BCL2L13: variants seen among roughly 807,000 people sequenced by gnomAD.
BCL2L13 encodes the protein bcl-2-like protein 13.
BCL2L13 carries 13 observed loss-of-function variants against 25.8 expected under a neutral mutation model. The ratio of observed to expected loss-of-function variants is 0.50; its 90% CI spans 0.33 to 0.80. The LOEUF (loss-of-function observed/expected upper bound fraction) is 0.80, where lower values mean the gene tolerates loss of function less well. BCL2L13 is among the 30% of genes least tolerant of loss of function. The probability of loss-of-function intolerance (pLI) is 0.02; values close to 1 mark genes in which losing one functional copy is unlikely to be tolerated. For missense variants in BCL2L13, 504 were observed against 574.9 expected (o/e 0.88, Z 1.26); for synonymous variants, 244 against 230.3 (o/e 1.06, Z -0.54).
intron 6 of BCL2L13, among the ~76,000 whole-genome samples, chr22:17,723,273 G>A (rs2061199391): frequency 6.6e-6 from 1 of 152,110 alleles, no homozygotes; most frequent in South Asian, 2.1e-4. Flanking sequence ...ATCCTCAAAA[G>A]CTGGGAGGCC....
chr22:17,666,376 TTTAAG>T (rs1005907233), intron 2 of BCL2L13, among the ~76,000 whole-genome samples: 2 of 152,122 alleles, frequency 1.3e-5, no homozygotes, highest in African/African-American at 4.8e-5. Context: ...TCAGTTACTC[TTTAAG>T]TTATTTTAAA....
rs73378781 is a variant in BCL2L13, at chr22:17,716,337, G to T, written c.601-10340G>T. On this transcript the variant is annotated intron_variant, in intron 6 of 6. Transcript: ENST00000317582. ...GAAAGCACAGTTTTAAGGCAGAGAG[G>T]TCTTAATACCTTTCATCATATTTGC... Among the ~76,000 whole-genome samples, 758 of 152,264 alleles carry T rather than the reference G, an allele frequency of 5.0e-3. 6 individuals carry two copies. Among genetic ancestry groups the T allele is most frequent in the African/African-American group, 0.015 (615 of 41,554 alleles).
At chr22:17,684,777 G>C in intron 3 of BCL2L13, 1 of 351,350 alleles carries the variant, frequency 2.8e-6, no homozygotes, top group South Asian at 2.1e-5. Flanking sequence ...TCTTTGCCCA[G>C]GCTGGAGTGC....
At chr22:17,712,778 G>T (rs547930578) in intron 6 of BCL2L13, among the ~76,000 whole-genome samples, 1 of 152,330 alleles carries the variant, frequency 6.6e-6, no homozygotes, top group African/African-American at 2.4e-5. Flanking sequence ...AGTCTTTCAG[G>T]AAGATTACAG....
Position 17,653,266 on chromosome 22 carries a change from A to G in BCL2L13, c.-50-2396A>G, listed in dbSNP as rs914901057. Among the ~76,000 whole-genome samples, 3 of 152,274 alleles carry G rather than the reference A, an allele frequency of 2.0e-5. No homozygotes were observed. In the South Asian group the frequency reaches 6.2e-4, roughly 32 times the overall value. On this transcript the variant is annotated intron_variant, in intron 1 of 6. Transcript: ENST00000317582. ...CTTCCTATATTATCTGATTTAAGAA[A>G]TAGGAGTAATACCACTTACCTTACA...
At chr22:17,696,275 A>G in intron 5 of BCL2L13, 65 bp downstream of exon 5, 5 of 1,270,630 alleles carry the variant, frequency 3.9e-6, no homozygotes, top group African/African-American at 1.5e-5. Context: ...CGTAGGAGGA[A>G]TTGCTAGCAT....
At chr22:17,676,287 C>T (rs2059573565) in intron 2 of BCL2L13, among the ~76,000 whole-genome samples, 1 of 129,044 alleles carries the variant, frequency 7.7e-6, no homozygotes, top group Non-Finnish European at 1.6e-5. Flanking sequence ...CATGGCAGAA[C>T]CCTATCTCTA....
Position 17,702,264 on chromosome 22 carries a change from C to G in BCL2L13, c.478C>G (p.Leu160Val). Residue 160 changes from leucine to valine, a missense_variant, in exon 6 of 7, where the codon CTA (leucine) becomes GTA (valine). By Grantham distance (32) the Leu-to-Val change is conservative (BLOSUM62 1). Coordinates refer to ENST00000317582, the MANE Select transcript of BCL2L13 (RefSeq NM_015367.4). ...WNKILVPLVL[L>V]RQMLLELTRR... ...GAAGATTTTGGTGCCTCTGGTTTTGCTACGACAAATGCTTTTGGAATTGAC... is the reference window on the plus strand; with the variant it reads ...GAAGATTTTGGTGCCTCTGGTTTTGGTACGACAAATGCTTTTGGAATTGAC... The G allele has an allele frequency of 6.2e-7, 1 of 1,607,292 alleles. No individual in the cohort carries two copies. Among genetic ancestry groups the G allele is most frequent in the Non-Finnish European group, 8.5e-7 (1 of 1,177,374 alleles).
intron 1 of BCL2L13, among the ~76,000 whole-genome samples, chr22:17,650,398 G>T (rs367591624): frequency 5.3e-5 from 8 of 152,024 alleles, no homozygotes; most frequent in African/African-American, 1.9e-4. Flanking sequence ...GATTATACCA[G>T]TATTTTTGAA....
At chr22:17,670,079 A>T (rs540264034) in intron 2 of BCL2L13, among the ~76,000 whole-genome samples, 3 of 152,120 alleles carry the variant, frequency 2.0e-5, no homozygotes, top group Non-Finnish European at 1.5e-5. Context: ...TTGACCATAT[A>T]TGTATGGATT....
chr22:17,650,949 G>GATTAC (rs1310948731), intron 1 of BCL2L13, among the ~76,000 whole-genome samples: 2 of 148,512 alleles, frequency 1.3e-5, no homozygotes, highest in East Asian at 4.0e-4. Context: ...AAAGTGTTGG[G>GATTAC]ATTACAGGTG....
chr22:17,675,729 A>G (rs1207368145), intron 2 of BCL2L13, among the ~76,000 whole-genome samples: 1 of 152,232 alleles, frequency 6.6e-6, no homozygotes, highest in Non-Finnish European at 1.5e-5. Flanking sequence ...GTTGCAGAAC[A>G]TCTGGTATTC....
intron 6 of BCL2L13, among the ~76,000 whole-genome samples, chr22:17,717,793 GACA>G (rs2060990039): frequency 1.3e-5 from 2 of 151,908 alleles, no homozygotes; most frequent in South Asian, 2.1e-4. Context: ...TCTTATGAAA[GACA>G]ACGATTGAGG....
At chr22:17,673,888 C>T (rs899768186) in intron 2 of BCL2L13, among the ~76,000 whole-genome samples, 9 of 152,074 alleles carry the variant, frequency 5.9e-5, no homozygotes, top group Non-Finnish European at 8.8e-5. Context: ...ATAGAGAATA[C>T]AGTGAGCTTT....
At chr22:17,639,890 T>C (rs1412922664) in intron 1 of BCL2L13, among the ~76,000 whole-genome samples, 1 of 151,926 alleles carries the variant, frequency 6.6e-6, no homozygotes, top group Non-Finnish European at 1.5e-5. Context: ...GTTTCCCTCT[T>C]GTTGCCTAGG....
chr22:17,649,758 C>T (rs2058614703), intron 1 of BCL2L13, among the ~76,000 whole-genome samples: 1 of 152,100 alleles, frequency 6.6e-6, no homozygotes, highest in South Asian at 2.1e-4. Flanking sequence ...CCGCCTCGGC[C>T]TCCCAAAGTG....
chr22:17,635,635 G>A (rs1349593483), upstream of BCL2L13, among the ~76,000 whole-genome samples: 1 of 152,032 alleles, frequency 6.6e-6, no homozygotes, highest in African/African-American at 2.4e-5. Context: ...AGGAACTTTA[G>A]GAGGCCAAGA....
At chr22:17,717,468 T>G (rs2060979578) in intron 6 of BCL2L13, among the ~76,000 whole-genome samples, 1 of 152,094 alleles carries the variant, frequency 6.6e-6, no homozygotes, top group Non-Finnish European at 1.5e-5. Context: ...ATTTCTTTTT[T>G]TTGTAGAGAT....
intron 1 of BCL2L13, among the ~76,000 whole-genome samples, chr22:17,648,078 C>T (rs994862954): frequency 4.3e-4 from 65 of 150,778 alleles, no homozygotes; most frequent in Non-Finnish European, 8.1e-4. Flanking sequence ...TGCAGTGAGC[C>T]GAGGTCATGC....
Sources: gnomAD v4.1 joint callset for allele counts (sites outside exome capture counted in the v4.1 genomes callset) on GRCh38, gnomAD v4.1.1 for gene constraint, MANE v1.5 for transcripts, NCBI Gene and HGNC (gene_info 2026-07-23, HGNC 2026-07-21) for gene names.